The following LHFPL6 variants were observed in gnomAD, a reference collection of about 807,000 sequenced individuals.
The protein encoded by LHFPL6 is LHFPL tetraspan subfamily member 6, also known as LHFPL tetraspan subfamily member 6 protein.
A neutral mutation model predicts 20.6 loss-of-function variants in LHFPL6; 9 were observed. The ratio of observed to expected loss-of-function variants is 0.44; its 90% confidence interval spans 0.26 to 0.76. LHFPL6 has a LOEUF of 0.76. Among genes scored for constraint, LHFPL6 ranks in the 30% least tolerant of loss-of-function variants. LHFPL6 has a pLI of 0.20. For synonymous variants in LHFPL6, 105 were observed against 98.7 expected, an observed-to-expected ratio of 1.06 and a Z score of -0.38; for missense variants, 218 against 253.5, an observed-to-expected ratio of 0.86 and a Z score of 0.95.
intron 2 of LHFPL6, among the ~76,000 whole-genome samples, chr13:39,503,239 C>A (rs991852955): frequency 2.0e-5 from 3 of 152,166 alleles, no homozygotes; most frequent in Admixed American, 6.5e-5. Context: ...AAGGCACTAG[C>A]CTCCCAGCCA....
chr13:39,433,405 T>C (rs528753702), intron 2 of LHFPL6, among the ~76,000 whole-genome samples: 2 of 152,242 alleles, frequency 1.3e-5, no homozygotes, highest in Non-Finnish European at 2.9e-5. Context: ...TGCAATTCTA[T>C]CTTTAATACA....
At chr13:39,553,425 G>A (rs1173273151) in intron 2 of LHFPL6, among the ~76,000 whole-genome samples, 1 of 152,148 alleles carries the variant, frequency 6.6e-6, no homozygotes, top group East Asian at 1.9e-4. Context: ...CAAAACTTCA[G>A]GCACGGCCAG....
intron 2 of LHFPL6, among the ~76,000 whole-genome samples, chr13:39,394,328 G>C (rs1458113353): frequency 6.6e-6 from 1 of 152,094 alleles, no homozygotes; most frequent in Non-Finnish European, 1.5e-5. Flanking sequence ...CTTCTTCAAG[G>C]CCTATTTATG....
chr13:39,447,739 A>G lies in LHFPL6; in HGVS notation c.386-69213T>C, dbSNP rs74358970. ...CTCACACAGCAAGAGAGGAAAAGGG[A>G]AGGATGCAAGAAGAGGGAGATCCAT... On this transcript the variant is annotated intron_variant, in intron 2 of 3. Coordinates refer to ENST00000379589, the MANE Select transcript of LHFPL6 (RefSeq NM_005780.3). Among the ~76,000 whole-genome samples, 610 of 152,292 alleles carry G rather than the reference A, an allele frequency of 4.0e-3. 17 individuals carry two copies. The East Asian group carries it at 0.069, about 17-fold the overall frequency.
chr13:39,581,128 T>C (rs1872268713), intron 2 of LHFPL6, among the ~76,000 whole-genome samples: 1 of 152,136 alleles, frequency 6.6e-6, no homozygotes, highest in Admixed American at 6.5e-5. Context: ...TGCCAAACCC[T>C]ACAAGCCTAA....
intron 2 of LHFPL6, among the ~76,000 whole-genome samples, chr13:39,531,510 C>G (rs1343622362): frequency 6.6e-6 from 1 of 152,138 alleles, no homozygotes; most frequent in Non-Finnish European, 1.5e-5. Context: ...GCAAGCCAAA[C>G]TATTCTGGGG....
At chr13:39,375,484 G>T (rs1217279779) in intron 3 of LHFPL6, among the ~76,000 whole-genome samples, 1 of 151,964 alleles carries the variant, frequency 6.6e-6, no homozygotes, top group Non-Finnish European at 1.5e-5. Flanking sequence ...TGAGGTCAGG[G>T]GTTCGAGACT....
intron 2 of LHFPL6, among the ~76,000 whole-genome samples, chr13:39,543,522 A>G (rs1870876325): frequency 6.6e-6 from 1 of 152,170 alleles, no homozygotes; most frequent in African/African-American, 2.4e-5. Flanking sequence ...TCTGAGAAGT[A>G]TCTTTCTGAA....
intron 2 of LHFPL6, among the ~76,000 whole-genome samples, chr13:39,507,971 C>A (rs1252586548): frequency 6.9e-6 from 1 of 144,504 alleles, no homozygotes; most frequent in Non-Finnish European, 1.5e-5. Context: ...TTTTTCTCCC[C>A]TCCCCTTTCT....
intron 2 of LHFPL6, among the ~76,000 whole-genome samples, chr13:39,534,656 G>A (rs1423000136): frequency 2.0e-5 from 3 of 152,162 alleles, no homozygotes; most frequent in African/African-American, 7.2e-5. Flanking sequence ...CACTTTTTGA[G>A]TGATACTCAA....
At chr13:39,507,901 T>TCCTTCCTC (rs1566127643) in intron 2 of LHFPL6, among the ~76,000 whole-genome samples, 1 of 146,766 alleles carries the variant, frequency 6.8e-6, no homozygotes, top group African/African-American at 2.5e-5. Flanking sequence ...CTTCCTTCCT[T>TCCTTCCTC]CCTCCCTTCT....
At chr13:39,391,974 C>G (rs1870718863) in intron 2 of LHFPL6, among the ~76,000 whole-genome samples, 1 of 152,174 alleles carries the variant, frequency 6.6e-6, no homozygotes, top group African/African-American at 2.4e-5. Flanking sequence ...TTCTTTCTCT[C>G]TTGAAATGTC....
rs565112797 is a variant in LHFPL6, at chr13:39,475,608, G to T, written c.386-97082C>A. On this transcript the variant is annotated intron_variant, in intron 2 of 3. Transcript: ENST00000379589. ...TGCCAGGTGGCCCATAAATACTGCA[G>T]ACACCACCCATAGCCACACACAAGG... 5.9e-5 allele frequency among the ~76,000 whole-genome samples: 9 copies of T among 152,200 alleles called. No individual in the cohort carries two copies. The South Asian group carries it at 1.9e-3, about 32-fold the overall frequency.
chr13:39,431,389 A>G (rs1469679068), intron 2 of LHFPL6, among the ~76,000 whole-genome samples: 3 of 152,106 alleles, frequency 2.0e-5, no homozygotes, highest in Non-Finnish European at 2.9e-5. Context: ...GCCAGGGTCC[A>G]CGGCTTCATT....
chr13:39,347,724 T>C (rs549681993), intron 3 of LHFPL6, among the ~76,000 whole-genome samples: 7 of 152,336 alleles, frequency 4.6e-5, no homozygotes, highest in African/African-American at 1.7e-4. Flanking sequence ...AATCTCCATT[T>C]TGAATTATTC....
intron 2 of LHFPL6, among the ~76,000 whole-genome samples, chr13:39,396,338 T>C (rs1752056): frequency 0.7 from 106,267 of 152,022 alleles, 37,474 homozygotes; most frequent in Admixed American, 0.77. Context: ...TTGGCTAAAC[T>C]GCATCGCCCT....
chr13:39,596,469 C>T (rs935874017), intron 2 of LHFPL6, among the ~76,000 whole-genome samples: 2 of 152,102 alleles, frequency 1.3e-5, no homozygotes, highest in Admixed American at 6.6e-5. Context: ...AGGTACTCCA[C>T]CAAATCTACT....
chr13:39,589,101 C>A (rs1234763090), intron 2 of LHFPL6, among the ~76,000 whole-genome samples: 1 of 152,048 alleles, frequency 6.6e-6, no homozygotes, highest in African/African-American at 2.4e-5. Context: ...ACTGGAATGA[C>A]ATCTACCAGA....
At chr13:39,572,192 G>T (rs1476458447) in intron 2 of LHFPL6, among the ~76,000 whole-genome samples, 1 of 151,994 alleles carries the variant, frequency 6.6e-6, no homozygotes, top group East Asian at 1.9e-4. Context: ...ACCTAATATT[G>T]CATACAATCA....
Sources: gnomAD v4.1 joint callset for allele counts (sites outside exome capture counted in the v4.1 genomes callset) on GRCh38, gnomAD v4.1.1 for gene constraint, MANE v1.5 for transcripts, NCBI Gene and HGNC (gene_info 2026-07-23, HGNC 2026-07-21) for gene names.